FUBP3: variants seen among roughly 807,000 people sequenced by gnomAD.
The protein encoded by FUBP3 is far upstream element binding protein 3.
Under a neutral mutation model 85.6 loss-of-function variants are expected in FUBP3, and 28 were observed. That is an observed-to-expected ratio of 0.33 (90% CI 0.24 to 0.45). The LOEUF is 0.45. Ranked by LOEUF, FUBP3 falls within the 20% of genes least tolerant of loss-of-function variation. The pLI, the probability that FUBP3 is intolerant of heterozygous loss-of-function variation, is 1.00. For missense variants in FUBP3, 583 were observed against 755.1 expected (o/e 0.77, Z 2.67); for synonymous variants, 271 against 271.4 (o/e 1.00, Z 0.01).
intron 1 of FUBP3, among the ~76,000 whole-genome samples, chr9:130,588,620 C>T (rs1298314706): frequency 6.6e-6 from 1 of 152,214 alleles, no homozygotes; most frequent in Non-Finnish European, 1.5e-5. Context: ...CCTGTGGATA[C>T]AATTCCAGGC....
chr9:130,624,442 G>A (rs922381548), intron 11 of FUBP3, among the ~76,000 whole-genome samples: 5 of 152,136 alleles, frequency 3.3e-5, no homozygotes, highest in African/African-American at 1.2e-4. Flanking sequence ...TTCCAAGGGA[G>A]GGTCTTGGGT....
intron 8 of FUBP3, among the ~76,000 whole-genome samples, chr9:130,618,545 C>G (rs1832128007): frequency 6.6e-6 from 1 of 152,232 alleles, no homozygotes; most frequent in Non-Finnish European, 1.5e-5. Context: ...GTGGTCCTGT[C>G]CTTCCAACTC....
intron 1 of FUBP3, among the ~76,000 whole-genome samples, chr9:130,585,196 G>T (rs998203435): frequency 2.0e-5 from 3 of 152,174 alleles, no homozygotes; most frequent in African/African-American, 7.2e-5. Flanking sequence ...CCCTAGAAAA[G>T]ATCTGGCCAC....
intron 1 of FUBP3, among the ~76,000 whole-genome samples, chr9:130,591,081 G>A (rs1830604727): frequency 6.7e-6 from 1 of 149,240 alleles, no homozygotes; most frequent in Non-Finnish European, 1.5e-5. Flanking sequence ...GGCTGTTTCT[G>A]CCGCTTATAA....
chr9:130,603,930 C>G (rs1307298747), intron 2 of FUBP3, among the ~76,000 whole-genome samples: 2 of 152,202 alleles, frequency 1.3e-5, no homozygotes, highest in African/African-American at 4.8e-5. Flanking sequence ...AATGTTCACA[C>G]AAGAGCCTGT....
chr9:130,587,794 G>T (rs1028074963), intron 1 of FUBP3, among the ~76,000 whole-genome samples: 1 of 152,182 alleles, frequency 6.6e-6, no homozygotes, highest in East Asian at 1.9e-4. Context: ...GATGGAGACA[G>T]ATCCAGTCCT....
intron 16 of FUBP3, among the ~76,000 whole-genome samples, chr9:130,632,498 A>C (rs138882721): frequency 1.3e-5 from 2 of 152,372 alleles, no homozygotes; most frequent in Non-Finnish European, 2.9e-5. Flanking sequence ...CACAAACCTC[A>C]GGCGGGCTGG....
chr9:130,611,127 C>T (rs1202464768), intron 3 of FUBP3, among the ~76,000 whole-genome samples: 3 of 152,176 alleles, frequency 2.0e-5, no homozygotes, highest in Non-Finnish European at 4.4e-5. Flanking sequence ...GGCTTCGTGA[C>T]ATTTTGTATT....
chr9:130,631,304 AC>A, intron 13 of FUBP3: 1 of 1,381,066 alleles, frequency 7.2e-7, no homozygotes, highest in Non-Finnish European at 9.3e-7. Flanking sequence ...GTTGGTCCCT[AC>A]CCCCAGGGTG....
chr9:130,598,663 AC>A (rs1318888620), intron 2 of FUBP3, among the ~76,000 whole-genome samples: 2 of 152,376 alleles, frequency 1.3e-5, no homozygotes, highest in Middle Eastern at 3.4e-3. Context: ...ATCACAGCGT[AC>A]TATTTTGGAT....
chr9:130,596,715 G>T, intron 2 of FUBP3: 2 of 397,760 alleles, frequency 5.0e-6, no homozygotes, highest in South Asian at 1.9e-5. Flanking sequence ...TCAATGTCCT[G>T]AATAAACCCT....
At chr9:130,622,555 C>T (rs774615169) in intron 9 of FUBP3, among the ~76,000 whole-genome samples, 153 bp from the exon 10 acceptor site, 10 of 150,222 alleles carry the variant, frequency 6.7e-5, no homozygotes, top group Non-Finnish European at 1.2e-4. Flanking sequence ...CATTGGAACC[C>T]GGGAGGCAGA....
At chr9:130,619,002 G>C (rs910795838) in intron 8 of FUBP3, among the ~76,000 whole-genome samples, 1 of 152,140 alleles carries the variant, frequency 6.6e-6, no homozygotes, top group Non-Finnish European at 1.5e-5. Context: ...CTCTCAGTGC[G>C]AACAGTTGGG....
intron 1 of FUBP3, among the ~76,000 whole-genome samples, chr9:130,585,955 G>A (rs1264912262): frequency 6.6e-6 from 1 of 152,152 alleles, no homozygotes; most frequent in Non-Finnish European, 1.5e-5. Flanking sequence ...CATCCCAATT[G>A]AAAATGTTCT....
intron 9 of FUBP3, among the ~76,000 whole-genome samples, chr9:130,622,045 G>A (rs576790622): frequency 1.1e-4 from 16 of 152,112 alleles, no homozygotes; most frequent in Non-Finnish European, 2.1e-4. Context: ...GTCCTGGGCC[G>A]GGCGTGGTGG....
At chr9:130,630,584 C>T (rs753063155) in intron 12 of FUBP3, 44 bp from the exon 13 acceptor site, 6 of 1,493,998 alleles carry the variant, frequency 4.0e-6, no homozygotes, top group East Asian at 2.6e-5. Flanking sequence ...CAGGAGTTGC[C>T]GCAGTCTCTG....
At chr9:130,594,869 CTTT>C (rs10710760) in intron 1 of FUBP3, among the ~76,000 whole-genome samples, 3 of 129,288 alleles carry the variant, frequency 2.3e-5, no homozygotes, top group Non-Finnish European at 3.3e-5. Context: ...TGTTGGCTTG[CTTT>C]TTTTTTTTTT....
chr9:130,615,187 G>T (rs192694467), intron 6 of FUBP3, among the ~76,000 whole-genome samples: 27 of 152,312 alleles, frequency 1.8e-4, no homozygotes, highest in Non-Finnish European at 3.5e-4. Context: ...AGGGCAACTG[G>T]ATGGTTTGCT....
At chr9:130,611,610 A>G (rs1482526614) in intron 3 of FUBP3, among the ~76,000 whole-genome samples, 1 of 151,978 alleles carries the variant, frequency 6.6e-6, no homozygotes, top group Non-Finnish European at 1.5e-5. Flanking sequence ...TGATGGGTAA[A>G]AACCCAGCTG....
Sources: allele counts gnomAD v4.1 joint callset (sites outside exome capture counted in the v4.1 genomes callset), GRCh38; gene constraint gnomAD v4.1.1; transcripts MANE v1.5; gene names NCBI Gene and HGNC (gene_info 2026-07-23, HGNC 2026-07-21).